The following RGS6 variants were observed in gnomAD, a reference collection of about 807,000 sequenced individuals.
RGS6 encodes the protein regulator of G protein signaling 6.
In RGS6, 30 loss-of-function variants were observed where a neutral mutation model predicts 78.5. The observed-to-expected ratio is 0.38, with a 90% CI of 0.29 to 0.52. The LOEUF (loss-of-function observed/expected upper bound fraction) is 0.52. RGS6 is among the 20% of genes least tolerant of loss of function. The probability of loss-of-function intolerance (pLI) is 0.85; values close to 1 mark genes in which losing one functional copy is unlikely to be tolerated. For synonymous variants in RGS6, 206 were observed against 206.0 expected (o/e 1.00, Z 0.00); for missense variants, 495 against 609.7 (o/e 0.81, Z 1.98).
chr14:71,923,267 G>A, the RGS6 span, among the ~76,000 whole-genome samples: 1 of 152,186 alleles, frequency 6.6e-6, no homozygotes, highest in Non-Finnish European at 1.5e-5. Context: ...TGTCCAGGAT[G>A]GGGATGGGAA....
At chr14:72,368,236 C>T (rs2082796274) in intron 3 of RGS6, among the ~76,000 whole-genome samples, 1 of 152,050 alleles carries the variant, frequency 6.6e-6, no homozygotes, top group Non-Finnish European at 1.5e-5. Flanking sequence ...GCAAACTCAG[C>T]CTTTTTATTG....
upstream of RGS6, among the ~76,000 whole-genome samples, chr14:71,930,681 C>A (rs146221811): frequency 2.1e-3 from 321 of 152,008 alleles, 3 homozygotes; most frequent in African/African-American, 6.9e-3. Context: ...GAGCTGCTAG[C>A]CTCAGAAATG....
downstream of RGS6, among the ~76,000 whole-genome samples, chr14:72,567,145 AAG>A (rs1315605284): frequency 1.3e-5 from 2 of 152,156 alleles, no homozygotes; most frequent in Non-Finnish European, 2.9e-5. Context: ...TTTGCTCCTA[AAG>A]GTAGAAATGA....
intron 2 of RGS6, among the ~76,000 whole-genome samples, chr14:72,172,910 C>T (rs935184498): frequency 2.0e-5 from 3 of 152,298 alleles, no homozygotes; most frequent in Middle Eastern, 3.4e-3. Flanking sequence ...GAGGACTGCA[C>T]GAGCTCTCCC....
rs562283632 is a variant in RGS6, at chr14:72,223,547, GT to G, written c.85-128547del. Among the ~76,000 whole-genome samples, 3 of 152,342 alleles carry G rather than the reference GT, an allele frequency of 2.0e-5. No individual in the cohort carries two copies. The East Asian group carries it at 5.8e-4, about 29-fold the overall frequency. The stretch of plus-strand genomic sequence containing the variant: ...CACTTACTGGTTGTGGATGGAGGGG[GT>G]GTGACCCATTTAGAAACTATTCATG... On this transcript the variant is annotated intron_variant, in intron 2 of 17. Coordinates refer to ENST00000553525, the MANE Select transcript of RGS6 (RefSeq NM_001204424.2).
chr14:72,356,998 C>T (rs900623039), intron 3 of RGS6, among the ~76,000 whole-genome samples: 39 of 152,216 alleles, frequency 2.6e-4, no homozygotes, highest in Admixed American at 1.4e-3. Context: ...CAGCCAGGCG[C>T]GGTGGCTCAT....
At chr14:72,239,192 C>T (rs751550572) in intron 2 of RGS6, among the ~76,000 whole-genome samples, 6 of 152,120 alleles carry the variant, frequency 3.9e-5, no homozygotes, top group Non-Finnish European at 8.8e-5. Context: ...CATGATTCCT[C>T]CCTTAGGGTG....
rs2238211 is a variant in RGS6 at position 72,273,088 on chromosome 14, T to A, written c.85-79007T>A. Among the ~76,000 whole-genome samples the A allele has an allele frequency of 8.6e-5, 13 of 150,844 alleles. No individual in the cohort carries two copies. The South Asian group carries it at 2.3e-3, about 27-fold the overall frequency. ...TGGAGGTTGCAGTGAGCTGAGGCCG[T>A]GCCATTGCACTCCAGCCTCGGCTAC... On this transcript the variant is annotated intron_variant, in intron 2 of 17. Coordinates refer to ENST00000553525, the MANE Select transcript of RGS6 (RefSeq NM_001204424.2).
At chr14:72,457,833 T>C (rs1233113176) in intron 4 of RGS6, among the ~76,000 whole-genome samples, 2 of 152,318 alleles carry the variant, frequency 1.3e-5, no homozygotes, top group East Asian at 1.9e-4. Context: ...CCTACGTCTC[T>C]ATGGGCAGCG....
At chr14:72,627,554 G>A in the RGS6 span, among the ~76,000 whole-genome samples, 9 of 151,958 alleles carry the variant, frequency 5.9e-5, no homozygotes, top group African/African-American at 1.9e-4. Context: ...ATCTATAGAG[G>A]CTTTACAGTA....
rs1257802759 is a variant in RGS6 at position 72,062,827 on chromosome 14, TTTTG to T, written c.84+97964_84+97967del. Reference sequence around the variant, plus strand: ...ATCCATGAGATTGGATGAGATTCTTTTTTGTTTGTTTGTTTCTGAGACATAGTCT... The same window carrying T: ...ATCCATGAGATTGGATGAGATTCTTTTTTGTTTGTTTCTGAGACATAGTCT... On this transcript the variant is annotated intron_variant, in intron 2 of 17. Transcript: ENST00000553525. Among the ~76,000 whole-genome samples, 7 of 152,274 alleles carry T rather than the reference TTTTG, an allele frequency of 4.6e-5. No homozygotes were observed. In the South Asian group the frequency reaches 1.0e-3, roughly 23 times the overall value.
At chr14:72,173,258 G>T (rs1359483998) in intron 2 of RGS6, among the ~76,000 whole-genome samples, 1 of 151,966 alleles carries the variant, frequency 6.6e-6, no homozygotes, top group Non-Finnish European at 1.5e-5. Flanking sequence ...CAGTGTACAG[G>T]GCAGCTGCCC....
chr14:72,459,559 C>A, intron 5 of RGS6, 73 bp from the exon 6 acceptor site: 1 of 1,408,230 alleles, frequency 7.1e-7, no homozygotes, highest in Non-Finnish European at 1.0e-6. Context: ...ATCAGGGAGG[C>A]TCCTCCCTGG....
intron 8 of RGS6, among the ~76,000 whole-genome samples, chr14:72,470,552 A>G (rs1280405220): frequency 6.6e-6 from 1 of 152,170 alleles, no homozygotes; most frequent in African/African-American, 2.4e-5. Context: ...AGACAGTTGG[A>G]GTCCAAAATA....
the RGS6 span, among the ~76,000 whole-genome samples, chr14:72,624,563 G>A: frequency 1.8e-3 from 272 of 152,038 alleles, 1 homozygote; most frequent in Middle Eastern, 3.4e-3. Context: ...GTTCTCCAGC[G>A]CCTGACCTCA....
At chr14:72,121,737 C>G (rs2096057830) in intron 2 of RGS6, among the ~76,000 whole-genome samples, 1 of 152,160 alleles carries the variant, frequency 6.6e-6, no homozygotes. Flanking sequence ...CTGGGCTACA[C>G]TGCCCATCCC....
chr14:71,878,688 G>A, the RGS6 span, among the ~76,000 whole-genome samples: 1 of 152,110 alleles, frequency 6.6e-6, no homozygotes, highest in Non-Finnish European at 1.5e-5. Flanking sequence ...TGCACCCACT[G>A]TCCTGCACCC....
At chr14:72,041,532 T>C (rs2153379667) in intron 2 of RGS6, among the ~76,000 whole-genome samples, 1 of 152,316 alleles carries the variant, frequency 6.6e-6, no homozygotes, top group South Asian at 2.1e-4. Flanking sequence ...GGCAGCCCCC[T>C]GAAAAACTGG....
intron 1 of RGS6, among the ~76,000 whole-genome samples, chr14:71,962,134 G>C (rs764659237): frequency 2.4e-4 from 36 of 152,286 alleles, no homozygotes; most frequent in East Asian, 5.8e-4. Context: ...AGTTAATAGA[G>C]GAACCAAAAA....
Sources: allele counts gnomAD v4.1 joint callset (sites outside exome capture counted in the v4.1 genomes callset), GRCh38; gene constraint gnomAD v4.1.1; transcripts MANE v1.5; gene names NCBI Gene and HGNC (gene_info 2026-07-23, HGNC 2026-07-21).